VTI1A: variants seen among roughly 807,000 people sequenced by gnomAD.
The protein encoded by VTI1A is vesicle transport through interaction with t-SNAREs 1A, also known as vesicle transport through interaction with t-SNAREs homolog 1A.
A neutral mutation model predicts 34.9 loss-of-function variants in VTI1A; 22 were observed. The observed-to-expected ratio is 0.63, with a 90% CI of 0.45 to 0.90. The LOEUF (loss-of-function observed/expected upper bound fraction) is 0.90. VTI1A is among the 40% of genes least tolerant of loss of function. The pLI, the probability that VTI1A is intolerant of heterozygous loss-of-function variation, is 0.00. For missense variants in VTI1A, 268 were observed against 275.6 expected, an observed-to-expected ratio of 0.97 and a Z score of 0.20; for synonymous variants, 87 against 97.3, an observed-to-expected ratio of 0.89 and a Z score of 0.62.
intron 3 of VTI1A, among the ~76,000 whole-genome samples, chr10:112,496,423 T>G (rs1197124414): frequency 2.6e-5 from 4 of 151,490 alleles, no homozygotes; most frequent in Non-Finnish European, 4.4e-5. Context: ...TATGAAAAAT[T>G]AGCCAGGCGT....
At chr10:112,451,883 A>C (rs1049568194) in intron 1 of VTI1A, among the ~76,000 whole-genome samples, 3 of 152,234 alleles carry the variant, frequency 2.0e-5, no homozygotes, top group Non-Finnish European at 4.4e-5. Context: ...GAGCACCTGA[A>C]ATGTGGCTGT....
chr10:112,749,395 A>G (rs1000402671), intron 7 of VTI1A, among the ~76,000 whole-genome samples: 1 of 152,200 alleles, frequency 6.6e-6, no homozygotes, highest in Non-Finnish European at 1.5e-5. Flanking sequence ...ATGAATGAAG[A>G]TTGTCAAAAG....
intron 7 of VTI1A, chr10:112,737,678 T>C: frequency 2.8e-6 from 3 of 1,054,852 alleles, no homozygotes; most frequent in Non-Finnish European, 3.4e-6. Flanking sequence ...ACTCCATCCA[T>C]GTGCGGATGA....
At chr10:112,647,671 GT>G (rs1396867927) in intron 5 of VTI1A, among the ~76,000 whole-genome samples, 1 of 152,158 alleles carries the variant, frequency 6.6e-6, no homozygotes, top group Non-Finnish European at 1.5e-5. Context: ...CGTAGTTTAT[GT>G]ATAGATTTGT....
chr10:112,838,551 A>G, the VTI1A span, among the ~76,000 whole-genome samples: 1 of 151,642 alleles, frequency 6.6e-6, no homozygotes, highest in African/African-American at 2.4e-5. Context: ...GCATCAGGAC[A>G]CCCCCTCTTC....
At chr10:112,602,672 T>C (rs899352396) in intron 5 of VTI1A, among the ~76,000 whole-genome samples, 7 of 152,222 alleles carry the variant, frequency 4.6e-5, no homozygotes, top group Non-Finnish European at 1.0e-4. Flanking sequence ...GTCTTTACTA[T>C]CAGGCAGCCT....
chr10:112,760,762 G>A (rs1042041093), intron 7 of VTI1A, among the ~76,000 whole-genome samples: 36 of 151,902 alleles, frequency 2.4e-4, no homozygotes, highest in Admixed American at 4.6e-4. Context: ...GGTGGTGTGC[G>A]CCTGTAATCC....
At chr10:112,540,076 C>T (rs539278854) in intron 5 of VTI1A, among the ~76,000 whole-genome samples, 71 of 152,264 alleles carry the variant, frequency 4.7e-4, no homozygotes, top group African/African-American at 1.4e-3. Context: ...GTCTTCTCGT[C>T]GTGACACTGA....
At chr10:112,608,351 G>T (rs1845167154) in intron 5 of VTI1A, among the ~76,000 whole-genome samples, 1 of 152,168 alleles carries the variant, frequency 6.6e-6, no homozygotes, top group South Asian at 2.1e-4. Context: ...TAAATAAAGT[G>T]CGATTTGTTT....
intron 5 of VTI1A, chr10:112,548,858 C>T (rs892311544): frequency 3.3e-5 from 48 of 1,442,128 alleles, no homozygotes; most frequent in Middle Eastern, 2.4e-4. Context: ...AGCTTTTTAC[C>T]GGAACGGTGA....
chr10:112,691,065 C>A (rs1265846481), intron 7 of VTI1A, among the ~76,000 whole-genome samples: 1 of 151,944 alleles, frequency 6.6e-6, no homozygotes, highest in African/African-American at 2.4e-5. Context: ...GCCAGGAATT[C>A]AAGAACAGGC....
chr10:112,533,114 G>A (rs1443360436), intron 4 of VTI1A, among the ~76,000 whole-genome samples: 1 of 152,054 alleles, frequency 6.6e-6, no homozygotes, highest in South Asian at 2.1e-4. Flanking sequence ...TCTGAAATCA[G>A]TTGTCAAGAT....
intron 5 of VTI1A, among the ~76,000 whole-genome samples, chr10:112,622,535 A>T (rs983706432): frequency 1.3e-5 from 2 of 152,044 alleles, no homozygotes; most frequent in Non-Finnish European, 2.9e-5. Context: ...GTATTTCTTT[A>T]TAATGGATTA....
the VTI1A span, among the ~76,000 whole-genome samples, chr10:112,834,836 G>C: frequency 6.6e-6 from 1 of 152,162 alleles, no homozygotes. Context: ...AATAGCAAAT[G>C]TGCAACATGA....
intron 2 of VTI1A, 124 bp from the exon 3 acceptor site, chr10:112,464,423 C>A: frequency 1.3e-6 from 1 of 757,584 alleles, no homozygotes; most frequent in Non-Finnish European, 2.1e-6. Context: ...GATCATTCAG[C>A]ACCCTGAACC....
At position 112,780,973 on chromosome 10, in the gene VTI1A, A is replaced by T. The variant is rs990533547; in HGVS notation, c.561-34317A>T. Among the ~76,000 whole-genome samples, 27 of 151,936 alleles carry T rather than the reference A, an allele frequency of 1.8e-4. 1 individual carries two copies. Among genetic ancestry groups the T allele is most frequent in the South Asian group, 1.0e-3 (5 of 4,814 alleles). ...CGCATTCTTCAGAATATATATATAT[A>T]TTTTTTGACGAAGTCTCGCTCTGTT... On this transcript the variant is annotated intron_variant, in intron 7 of 7. Coordinates refer to ENST00000393077, the MANE Select transcript of VTI1A (RefSeq NM_145206.4).
chr10:112,628,839 T>C (rs753784981), intron 5 of VTI1A, among the ~76,000 whole-genome samples: 32 of 152,184 alleles, frequency 2.1e-4, no homozygotes, highest in Non-Finnish European at 4.3e-4. Context: ...ATAACCACTG[T>C]TAGTATTTTG....
In VTI1A at chr10:112,572,896, A is replaced by G. The variant is rs533195811; in HGVS notation, c.427+34566A>G. Among the ~76,000 whole-genome samples the G allele has an allele frequency of 5.2e-4, 79 of 151,782 alleles. No individual in the cohort carries two copies. In the South Asian group the frequency reaches 0.016, roughly 31 times the overall value. On this transcript the variant is annotated intron_variant, in intron 5 of 7. Transcript: ENST00000393077. ...TCTTCTTCAGGAAACCATGAACTGT[A>G]TTTTAATGGTGTATTTTAGAAGTTT... is the stretch of plus-strand genomic sequence containing the variant.
chr10:112,523,478 A>G (rs1027143144), intron 3 of VTI1A, among the ~76,000 whole-genome samples: 3 of 152,066 alleles, frequency 2.0e-5, no homozygotes, highest in Non-Finnish European at 4.4e-5. Context: ...CTTTCTAACC[A>G]TGTAGTCTAC....
Sources: gnomAD v4.1 joint callset for allele counts (sites outside exome capture counted in the v4.1 genomes callset) on GRCh38, gnomAD v4.1.1 for gene constraint, MANE v1.5 for transcripts, NCBI Gene and HGNC (gene_info 2026-07-23, HGNC 2026-07-21) for gene names.